CFAP74: variants seen among roughly 807,000 people sequenced by gnomAD.
CFAP74 encodes cilia- and flagella-associated protein 74.
In CFAP74, 124 loss-of-function variants were observed where a neutral mutation model predicts 188.9. The observed-to-expected ratio is 0.66, with a 90% CI of 0.57 to 0.76. The LOEUF (loss-of-function observed/expected upper bound fraction) is 0.76, where lower values mean the gene tolerates loss of function less well. Among genes scored for constraint, CFAP74 ranks in the 30% least tolerant of loss-of-function variants. The pLI is 0.00. For synonymous variants in CFAP74, 956 were observed against 916.7 expected (o/e 1.04, Z -0.77); for missense variants, 2,198 against 2,165.2 (o/e 1.02, Z -0.30).
chr1:1,960,260 G>C (rs1654988866), intron 14 of CFAP74, among the ~76,000 whole-genome samples: 1 of 152,284 alleles, frequency 6.6e-6, no homozygotes, highest in African/African-American at 2.4e-5. Context: ...TTTGTGGAGT[G>C]AGGGAGTTAA....
In CFAP74 at chr1:1,969,464, A is replaced by AGCCCAGCCCTGCCCG. The variant is rs556006911; in HGVS notation, c.1047-646_1047-632dup. ...AGTCCAGTCCTGCCCAGCCCTGCCC[A>AGCCCAGCCCTGCCCG]GCCCAGCCCTGCCCGGCCCAGCCCT... On this transcript the variant is annotated intron_variant, in intron 10 of 38. Transcript: ENST00000682832. Among the ~76,000 whole-genome samples the AGCCCAGCCCTGCCCG allele has an allele frequency of 4.8e-3, 253 of 53,236 alleles. 1 individual carries two copies. The highest frequency in any genetic ancestry group is 0.017 in the African/African-American group (245 of 14,046). The allele number at this position is 53,236 out of a possible 152,430, so 34.9% of individuals were successfully genotyped here.
Position 1,923,634 on chromosome 1 carries a change from C to T in CFAP74, c.4390-135G>A, listed in dbSNP as rs1458153561. On this transcript the variant is annotated intron_variant, in intron 35 of 38. Coordinates refer to ENST00000682832, the MANE Select transcript of CFAP74 (RefSeq NM_001304360.2). The surrounding 1 kb of genome is among the most constrained non-coding windows in gnomAD (Gnocchi z 6.3). ...GTGGGGCCCTGGACTCTGGTCTTTC[C>T]ACTGACGGCCCTCAGTGTGGTGCTG... is the stretch of plus-strand genomic sequence containing the variant. 3 of 1,519,086 alleles carry T rather than the reference C, an allele frequency of 2.0e-6. No homozygotes were observed. Among genetic ancestry groups the T allele is most frequent in the African/African-American group, 2.8e-5 (2 of 72,254 alleles). The allele number at this position is 1,519,086 out of a possible 1,614,324, so 94.1% of individuals were successfully genotyped here.
chr1:1,923,528 C>A lies in CFAP74; in HGVS notation c.4390-29G>T. The A allele has an allele frequency of 6.3e-7, 1 of 1,596,344 alleles. No individual in the cohort carries two copies. The highest frequency in any genetic ancestry group is 8.6e-7 in the Non-Finnish European group (1 of 1,167,560). ...GGGACAAGAAGTGGAGTGGCCTTGT[C>A]CCCGAAGCTCGGCGGCAGGGGTCCT... On this transcript the variant is annotated intron_variant, in intron 35 of 38. Transcript: ENST00000682832. This position sits in a 1 kb window ranked among gnomAD's most constrained non-coding sequence, Gnocchi z 6.3.
At chr1:1,964,170 C>T (rs1655295252) in intron 13 of CFAP74, among the ~76,000 whole-genome samples, 1 of 152,206 alleles carries the variant, frequency 6.6e-6, no homozygotes, top group South Asian at 2.1e-4. Flanking sequence ...CAAGGTGGGT[C>T]CCTGACTCCA....
At chr1:1,941,359 G>A (rs950612238) in intron 22 of CFAP74, among the ~76,000 whole-genome samples, 1 of 152,216 alleles carries the variant, frequency 6.6e-6, no homozygotes, top group African/African-American at 2.4e-5. Flanking sequence ...GGGCAGCTCT[G>A]GGGGGCTGGG....
intron 1 of CFAP74, among the ~76,000 whole-genome samples, 194 bp from the exon 2 acceptor site, chr1:1,991,169 A>C (rs1657544229): frequency 6.6e-6 from 1 of 152,232 alleles, no homozygotes; most frequent in African/African-American, 2.4e-5. Context: ...CATGAAGTCC[A>C]AACTCCAGTT....
At chr1:1,978,270 T>A (rs1347524033) in intron 6 of CFAP74, among the ~76,000 whole-genome samples, 1 of 152,178 alleles carries the variant, frequency 6.6e-6, no homozygotes, top group East Asian at 1.9e-4. Flanking sequence ...CGCGGGGGCC[T>A]GGCAGGGATG....
intron 5 of CFAP74, among the ~76,000 whole-genome samples, chr1:1,986,345 C>T (rs1657234953): frequency 6.6e-6 from 1 of 152,220 alleles, no homozygotes; most frequent in Non-Finnish European, 1.5e-5. Flanking sequence ...CGAAGCCCCT[C>T]ACCCCCCAGG....
At chr1:1,941,052 G>T (rs1415319944) in intron 22 of CFAP74, among the ~76,000 whole-genome samples, 1 of 152,188 alleles carries the variant, frequency 6.6e-6, no homozygotes, top group Non-Finnish European at 1.5e-5. Flanking sequence ...GGCAGAGCTT[G>T]CAGTGAGCCG....
chr1:1,982,217 A>G (rs1480683806), intron 6 of CFAP74, among the ~76,000 whole-genome samples: 7 of 148,550 alleles, frequency 4.7e-5, no homozygotes, highest in African/African-American at 1.7e-4. Flanking sequence ...CCGTGGTCAC[A>G]CGCGGGGACA....
At chr1:1,935,105 A>ATG (rs1652782839) in intron 25 of CFAP74, among the ~76,000 whole-genome samples, 1 of 76,538 alleles carries the variant, frequency 1.3e-5, no homozygotes, top group Admixed American at 1.5e-4. Context: ...ACAGGTGTGT[A>ATG]CGTGGGTGTT....
Position 1,985,410 on chromosome 1 carries a change from G to T in CFAP74, c.476C>A (p.Thr159Asn). 6.2e-7 allele frequency: 1 copy of T among 1,614,106 alleles called. No individual in the cohort carries two copies. The highest frequency in any genetic ancestry group is 8.5e-7 in the Non-Finnish European group (1 of 1,180,022). ...CTCGCTCTCCTTCAGCACGGCCTCA[G>T]TCCTCGACTGCAGGTCTCTCTCGTT... The part of the protein sequence containing the change: ...LENERDLQSR[T>N]EAVLKESENT... Residue 159 changes from threonine to asparagine, a missense_variant, in exon 6 of 39, where the codon ACT becomes AAT. By Grantham distance (65) the Thr-to-Asn change is moderately conservative. Transcript: ENST00000682832.
chr1:1,938,767 G>A (rs1653134488), intron 25 of CFAP74, 88 bp downstream of exon 25: 12 of 1,434,030 alleles, frequency 8.4e-6, no homozygotes, highest in Non-Finnish European at 1.1e-5. Flanking sequence ...ATGGGGTCAG[G>A]GGCGGGGATG....
At chr1:1,966,549 C>G in intron 11 of CFAP74, 23 bp from the exon 12 acceptor site, 1 of 1,501,176 alleles carries the variant, frequency 6.7e-7, no homozygotes, top group Non-Finnish European at 8.9e-7. Context: ...AGAGGAACAT[C>G]GCAAAGACAC....
intron 21 of CFAP74, among the ~76,000 whole-genome samples, chr1:1,944,074 T>C (rs2803332): frequency 0.41 from 62,201 of 152,000 alleles, 14,385 homozygotes; most frequent in Admixed American, 0.53. Context: ...TCCCCAACCA[T>C]GTCTGCTAAG....
intron 6 of CFAP74, among the ~76,000 whole-genome samples, chr1:1,974,977 G>A (rs774584156): frequency 5.9e-5 from 9 of 152,240 alleles, no homozygotes; most frequent in Non-Finnish European, 1.3e-4. Flanking sequence ...TGGAGACTGC[G>A]AACGGTTCCA....
Position 1,930,287 on chromosome 1 carries a change from G to A in CFAP74, c.3061C>T (p.Leu1021=), listed in dbSNP as rs1570828749. 1.3e-6 allele frequency: 2 copies of A among 1,534,290 alleles called. No homozygotes were observed. Among genetic ancestry groups the A allele is most frequent in the Non-Finnish European group, 1.7e-6 (2 of 1,145,534 alleles). The change falls in exon 26 of 39, where the codon CTG becomes TTG. Residue 1021 remains leucine (L), a synonymous_variant. Transcript: ENST00000682832. Reference sequence around the variant, plus strand: ...GCAAACTTGATCTGGTAGTGGGACAGCTCCAGGGGTGGGTGGACGCCTACA... The same window carrying A: ...GCAAACTTGATCTGGTAGTGGGACAACTCCAGGGGTGGGTGGACGCCTACA... ...RAVGVHPPLE[L]SHYQIKFAAT... is the part of the protein sequence containing the mutation.
chr1:1,955,516 A>G (rs1296240923), intron 18 of CFAP74, 175 bp downstream of exon 18: 14 of 1,608,554 alleles, frequency 8.7e-6, no homozygotes, highest in Non-Finnish European at 1.1e-5. Context: ...TCCACTCCAA[A>G]AACAACACTT....
intron 6 of CFAP74, among the ~76,000 whole-genome samples, chr1:1,977,458 G>T (rs1479941826): frequency 6.6e-6 from 1 of 152,176 alleles, no homozygotes; most frequent in Non-Finnish European, 1.5e-5. Context: ...CTGAGGGGCT[G>T]CCAGAGCTCC....
Sources: gnomAD v4.1 joint callset for allele counts (sites outside exome capture counted in the v4.1 genomes callset) on GRCh38, gnomAD v4.1.1 for gene constraint, Gnocchi (gnomAD v3.1) non-coding constraint, MANE v1.5 for transcripts, NCBI Gene and HGNC (gene_info 2026-07-23, HGNC 2026-07-21) for gene names.